HNRNPA2B1: variants seen among roughly 807,000 people sequenced by gnomAD.
HNRNPA2B1 encodes heterogeneous nuclear ribonucleoprotein A2/B1.
HNRNPA2B1 carries 3 observed loss-of-function variants against 46.3 expected under a neutral mutation model. The ratio of observed to expected loss-of-function variants is 0.06; its 90% confidence interval spans 0.03 to 0.17. The LOEUF is 0.17. HNRNPA2B1 is among the 10% of genes least tolerant of loss of function. The pLI, the probability that HNRNPA2B1 is intolerant of heterozygous loss-of-function variation, is 1.00. For synonymous variants in HNRNPA2B1, 225 were observed against 133.8 expected (o/e 1.68, Z -4.70); for missense variants, 221 against 418.9 (o/e 0.53, Z 4.12).
chr7:26,193,419 A>C, intron 8 of HNRNPA2B1, 46 bp from the exon 9 acceptor site: 1 of 1,573,026 alleles, frequency 6.4e-7, no homozygotes. Flanking sequence ...CATTAAACCA[A>C]GGACTTAGGA....
intron 4 of HNRNPA2B1, 54 bp downstream of exon 4, chr7:26,196,753 A>G: frequency 6.4e-7 from 1 of 1,570,162 alleles, no homozygotes; most frequent in Non-Finnish European, 8.8e-7. Context: ...ATGTTAACAT[A>G]CACAAAATTG....
At position 26,193,632 on chromosome 7, in the gene HNRNPA2B1, GTCC is replaced by G. The variant is rs774914044; in HGVS notation, c.781_783del (p.Gly261del). ...CCCCCACCCTGGTTGCCATATCCAG[GTCC>G]TCCACCACCATATCCTCCTCTTCCT... On this transcript the variant is annotated inframe_deletion, in exon 8 of 11. Transcript: ENST00000618183. 6.2e-7 allele frequency: 1 copy of G among 1,611,866 alleles called. No individual in the cohort carries two copies. Among genetic ancestry groups the G allele is most frequent in the Non-Finnish European group, 8.5e-7 (1 of 1,179,182 alleles).
rs1782878098 is a variant in HNRNPA2B1, at chr7:26,191,206, AGG to A, written c.*1152_*1153del. The A allele has an allele frequency of 6.6e-6, 1 of 152,486 alleles. No individual in the cohort carries two copies. Among genetic ancestry groups the A allele is most frequent in the Non-Finnish European group, 1.5e-5 (1 of 67,986 alleles). 9.4% of individuals were successfully genotyped at this position (152,486 alleles called of 1,614,324 possible). A position where few individuals can be genotyped will look rare whatever the true frequency, so the allele number is the denominator to read the frequency against. Reference sequence around the variant, plus strand: ...TGGAGGGGGAGGGGGTGGGAAAAGAAGGAAAAAAAGGGAAAAACAACCAAAAT... The same window carrying A: ...TGGAGGGGGAGGGGGTGGGAAAAGAAAAAAAAAGGGAAAAACAACCAAAAT... On this transcript the variant is annotated 3_prime_UTR_variant, in exon 11 of 11. Coordinates refer to ENST00000618183, the MANE Select transcript of HNRNPA2B1 (RefSeq NM_002137.4).
rs1373635424 is a variant in HNRNPA2B1 at position 26,193,261 on chromosome 7, T to C, written c.954A>G (p.Pro318=). Residue 318 remains proline (P), a synonymous_variant, in exon 9 of 11, where the codon CCA becomes CCG. Coordinates refer to ENST00000618183, the MANE Select transcript of HNRNPA2B1 (RefSeq NM_002137.4). ...ATTTTTATAAATTACCTCCACCATA[T>C]GGTCCCCCCATGTTCCTGCTACCAC... is the stretch of plus-strand genomic sequence containing the variant. ...NFGGSRNMGG[P]YGGGNYGPGG... The C allele has an allele frequency of 1.2e-6, 2 of 1,612,870 alleles. No homozygotes were observed. The highest frequency in any genetic ancestry group is 1.3e-5 in the African/African-American group (1 of 74,880).
chr7:26,196,033 T>G (rs770558808), intron 6 of HNRNPA2B1, 124 bp from the exon 7 acceptor site: 12 of 1,306,634 alleles, frequency 9.2e-6, no homozygotes, highest in Non-Finnish European at 1.2e-5. Flanking sequence ...GACACACCAG[T>G]GCTACCAGTT....
chr7:26,193,487 C>CTA, intron 8 of HNRNPA2B1, 88 bp downstream of exon 8: 1 of 1,532,232 alleles, frequency 6.5e-7, no homozygotes, highest in Non-Finnish European at 8.8e-7. Context: ...TTATGGGCAT[C>CTA]TAGTGACAAA....
chr7:26,194,086 G>A (rs1011412658), intron 7 of HNRNPA2B1, among the ~76,000 whole-genome samples: 13 of 152,116 alleles, frequency 8.5e-5, no homozygotes, highest in South Asian at 6.2e-4. Context: ...GTCTCTCTAC[G>A]AATTACATAT....
At chr7:26,192,457 C>T (rs993518585) in intron 10 of HNRNPA2B1, 38 bp downstream of exon 10, 3 of 1,383,822 alleles carry the variant, frequency 2.2e-6, no homozygotes, top group Non-Finnish European at 3.1e-6. Flanking sequence ...CTATGTCTCC[C>T]AAGATAATAA....
chr7:26,198,662 T>C (rs1349723718), intron 1 of HNRNPA2B1: 2 of 152,258 alleles, frequency 1.3e-5, no homozygotes, highest in East Asian at 1.9e-4. Flanking sequence ...TATGCTGTAC[T>C]ACACAGCTGT....
chr7:26,193,900 C>T (rs1486148741), intron 7 of HNRNPA2B1, among the ~76,000 whole-genome samples: 1 of 152,156 alleles, frequency 6.6e-6, no homozygotes, highest in Non-Finnish European at 1.5e-5. Context: ...ACCATGTGCA[C>T]ACAGTTAAAT....
At chr7:26,197,595 C>A in intron 2 of HNRNPA2B1, 27 bp downstream of exon 2, 1 of 1,575,910 alleles carries the variant, frequency 6.3e-7, no homozygotes, top group Non-Finnish European at 8.7e-7. Context: ...AGACTAATAT[C>A]CAGTAACAAT....
chr7:26,195,632 T>C, intron 7 of HNRNPA2B1: 2 of 539,080 alleles, frequency 3.7e-6, no homozygotes, highest in Non-Finnish European at 6.5e-6. Flanking sequence ...ACTCTGATGG[T>C]TATCTTTACA....
chr7:26,193,189 A>G, intron 9 of HNRNPA2B1, 62 bp downstream of exon 9: 3 of 1,503,238 alleles, frequency 2.0e-6, no homozygotes, highest in Non-Finnish European at 1.8e-6. Flanking sequence ...CTTCCCTTTA[A>G]GTCACAAAAG....
rs113084235 is a variant in HNRNPA2B1, at chr7:26,194,385, G to C, written c.722-691C>G. ...CACTCCAGCCTGGGCGACAGAGAGA[G>C]ACTCCCTCTCAAAAAACGAAACAAT... On this transcript the variant is annotated intron_variant, in intron 7 of 10. Coordinates refer to ENST00000618183, the MANE Select transcript of HNRNPA2B1 (RefSeq NM_002137.4). 6.6e-3 allele frequency among the ~76,000 whole-genome samples: 1,005 copies of C among 151,924 alleles called. 8 individuals are homozygous for C. Among genetic ancestry groups the C allele is most frequent in the Middle Eastern group, 0.044 (13 of 294 alleles).
rs557908154 is a variant in HNRNPA2B1 at position 26,196,362 on chromosome 7, G to A, written c.658+39C>T. ...AAACCTAATCATATTTAAAATAAAA[G>A]CACACTCATCCTTTAAACACGTAGA... is the stretch of plus-strand genomic sequence containing the variant. On this transcript the variant is annotated intron_variant, in intron 6 of 10. Transcript: ENST00000618183. 3.4e-6 allele frequency: 5 copies of A among 1,481,922 alleles called. No homozygotes were observed. In the South Asian group the frequency reaches 5.9e-5, roughly 17 times the overall value. 91.8% of individuals were successfully genotyped at this position (1,481,922 alleles called of 1,614,324 possible). A position where few individuals can be genotyped will look rare whatever the true frequency, so the allele number is the denominator to read the frequency against.
At chr7:26,197,210 TAA>T in intron 3 of HNRNPA2B1, 103 bp downstream of exon 3, 2 of 1,379,466 alleles carry the variant, frequency 1.4e-6, no homozygotes, top group Non-Finnish European at 2.0e-6. Flanking sequence ...ACACCTTTAA[TAA>T]GAGAAAAAAT....
At chr7:26,192,464 A>G (rs1583963815) in intron 10 of HNRNPA2B1, 31 bp downstream of exon 10, 1 of 1,419,032 alleles carries the variant, frequency 7.0e-7, no homozygotes, top group South Asian at 1.2e-5. Flanking sequence ...TCCCAAGATA[A>G]TAATAATTGT....
chr7:26,198,137 T>C (rs1783873374), intron 1 of HNRNPA2B1: 1 of 313,130 alleles, frequency 3.2e-6, no homozygotes, highest in African/African-American at 2.1e-5. Context: ...AAAACGCAAA[T>C]TTCTATTTTT....
In HNRNPA2B1 at chr7:26,195,761, A is replaced by T. The variant is rs552959247; in HGVS notation, c.721+86T>A. On this transcript the variant is annotated intron_variant, in intron 7 of 10. Coordinates refer to ENST00000618183, the MANE Select transcript of HNRNPA2B1 (RefSeq NM_002137.4). ...TTATAGACACTAATATAAAATGTTT[A>T]AAAACTCAAAATATAAATGAAGTAA... 17 of 1,450,090 alleles carry T rather than the reference A, an allele frequency of 1.2e-5. No homozygotes were observed. In the East Asian group the frequency reaches 4.1e-4, roughly 35 times the overall value. 89.8% of individuals were successfully genotyped at this position (1,450,090 alleles called of 1,614,324 possible). A position where few individuals can be genotyped will look rare whatever the true frequency, so the allele number is the denominator to read the frequency against.
Sources: allele counts gnomAD v4.1 joint callset (sites outside exome capture counted in the v4.1 genomes callset), GRCh38; gene constraint gnomAD v4.1.1; transcripts MANE v1.5; gene names NCBI Gene and HGNC (gene_info 2026-07-23, HGNC 2026-07-21).